Variants in FRAS1 observed in about 807,000 individuals in gnomAD.
FRAS1 encodes Fraser extracellular matrix complex subunit 1, also known as extracellular matrix organizing protein FRAS1.
FRAS1 carries 290 observed loss-of-function variants against 435.2 expected under a neutral mutation model. The observed-to-expected ratio is 0.67, with a 90% confidence interval of 0.61 to 0.73. The LOEUF is 0.73. FRAS1 is among the 30% of genes least tolerant of loss of function. The pLI, the probability that FRAS1 is intolerant of heterozygous loss-of-function variation, is 0.00. For missense variants in FRAS1, 4,860 were observed against 5,001.5 expected (o/e 0.97, Z 0.85); for synonymous variants, 1,800 against 1,851.0 (o/e 0.97, Z 0.71).
At chr4:78,458,377 A>G (rs1719269087) in intron 47 of FRAS1, among the ~76,000 whole-genome samples, 1 of 152,216 alleles carries the variant, frequency 6.6e-6, no homozygotes, top group Non-Finnish European at 1.5e-5. Flanking sequence ...ATGAAGCATT[A>G]TTTTTATTCA....
chr4:78,371,091 GTTTTTTT>G (rs369342938), intron 23 of FRAS1, among the ~76,000 whole-genome samples: 26 of 124,326 alleles, frequency 2.1e-4, no homozygotes, highest in African/African-American at 7.1e-4. Context: ...CTGTTTTTTT[GTTTTTTT>G]TTTTTTTTGC....
chr4:78,497,739 T>C (rs1358606064), intron 60 of FRAS1, among the ~76,000 whole-genome samples: 3 of 152,224 alleles, frequency 2.0e-5, no homozygotes, highest in Non-Finnish European at 4.4e-5. Context: ...GATGTGAACT[T>C]CATTCTGTCT....
At chr4:78,299,963 C>A (rs1222960495) in intron 14 of FRAS1, among the ~76,000 whole-genome samples, 2 of 152,172 alleles carry the variant, frequency 1.3e-5, no homozygotes. Context: ...TCTTTGTGTG[C>A]TTCTGTTGAA....
chr4:78,537,221 T>G, intron 72 of FRAS1, 21 bp downstream of exon 72: 1 of 1,607,702 alleles, frequency 6.2e-7, no homozygotes, highest in African/African-American at 1.3e-5. Flanking sequence ...TTCTCACTAT[T>G]AGTGTTAAAG....
chr4:78,337,161 G>A (rs1028455951), intron 19 of FRAS1, among the ~76,000 whole-genome samples: 1 of 152,204 alleles, frequency 6.6e-6, no homozygotes, highest in African/African-American at 2.4e-5. Context: ...AAGCATCCCA[G>A]TGGTAGTGGC....
rs111781056 is a variant in FRAS1, at chr4:78,318,882, A to G, written c.2033A>G (p.Glu678Gly). The change falls in exon 18 of 74, where the codon GAA (glutamate) becomes GGA (glycine). Residue 678 changes from glutamate (E) to glycine (G), a missense_variant. Coordinates refer to ENST00000512123, the MANE Select transcript of FRAS1 (RefSeq NM_025074.7). ...TGTACTGGGTGTAAGAAGCCAGAGGAAGGACTGCAAGTGGAGCAGCTGTCT... is the reference window on the plus strand; with the variant it reads ...TGTACTGGGTGTAAGAAGCCAGAGGGAGGACTGCAAGTGGAGCAGCTGTCT... ...SHCTGCKKPE[E>G]GLQVEQLSDV... The G allele has an allele frequency of 1.9e-6, 3 of 1,613,874 alleles. No individual in the cohort carries two copies. In the African/African-American group the frequency reaches 4.0e-5, roughly 22 times the overall value.
chr4:78,076,092 T>G (rs1033967712), intron 2 of FRAS1, among the ~76,000 whole-genome samples: 1 of 152,166 alleles, frequency 6.6e-6, no homozygotes, highest in Non-Finnish European at 1.5e-5. Flanking sequence ...CATCCTCTGT[T>G]GTGTTCCTTC....
At chr4:78,074,924 T>C (rs1740559406) in intron 2 of FRAS1, among the ~76,000 whole-genome samples, 1 of 152,196 alleles carries the variant, frequency 6.6e-6, no homozygotes, top group African/African-American at 2.4e-5. Context: ...GACCTCAGAA[T>C]TGGGAAGAGT....
At chr4:78,304,272 G>A (rs1215271758) in intron 14 of FRAS1, among the ~76,000 whole-genome samples, 3 of 152,108 alleles carry the variant, frequency 2.0e-5, no homozygotes, top group African/African-American at 7.2e-5. Context: ...ATTTTATTGA[G>A]TATTTTTGCA....
At position 78,224,953 on chromosome 4, in the gene FRAS1, C is replaced by T. The variant is rs967974457; in HGVS notation, c.109-12557C>T. ...AAAGGTACCCTTTCTAACTTGTTTG[C>T]GCATTAGTAGTGGTCATATACTGAA... On this transcript the variant is annotated intron_variant, in intron 2 of 73. Transcript: ENST00000512123. Among the ~76,000 whole-genome samples, 4 of 152,204 alleles carry T rather than the reference C, an allele frequency of 2.6e-5. No individual in the cohort carries two copies. The South Asian group carries it at 6.2e-4, about 24-fold the overall frequency.
intron 16 of FRAS1, among the ~76,000 whole-genome samples, chr4:78,316,444 C>G (rs1729258086): frequency 2.0e-5 from 3 of 152,122 alleles, no homozygotes; most frequent in African/African-American, 7.2e-5. Context: ...TTAGCAGCCT[C>G]CCCTTTGCCT....
At chr4:78,200,819 C>G (rs1300389928) in intron 2 of FRAS1, among the ~76,000 whole-genome samples, 2 of 142,938 alleles carry the variant, frequency 1.4e-5, no homozygotes, top group African/African-American at 5.7e-5. Flanking sequence ...GATGCCTCTG[C>G]TTATGGAGAA....
chr4:78,292,661 T>C (rs1052145815), intron 14 of FRAS1, among the ~76,000 whole-genome samples: 8 of 152,302 alleles, frequency 5.3e-5, no homozygotes, highest in Admixed American at 2.0e-4. Context: ...CAATGGCACC[T>C]ATGAAACTAC....
intron 2 of FRAS1, among the ~76,000 whole-genome samples, chr4:78,154,877 T>C (rs1720816880): frequency 6.6e-6 from 1 of 152,204 alleles, no homozygotes; most frequent in Non-Finnish European, 1.5e-5. Flanking sequence ...CAGCAGATAA[T>C]TGATTTTGTC....
intron 15 of FRAS1, among the ~76,000 whole-genome samples, chr4:78,310,348 C>A (rs1476011441): frequency 6.6e-6 from 1 of 152,140 alleles, no homozygotes; most frequent in East Asian, 1.9e-4. Flanking sequence ...GCCACTGAGA[C>A]TCTACATTAT....
At chr4:78,220,373 A>T (rs1724001522) in intron 2 of FRAS1, among the ~76,000 whole-genome samples, 2 of 152,192 alleles carry the variant, frequency 1.3e-5, no homozygotes, top group South Asian at 4.1e-4. Context: ...GTAAAGGTTT[A>T]TTGGAACATA....
At chr4:78,157,720 G>A (rs959864956) in intron 2 of FRAS1, among the ~76,000 whole-genome samples, 28 of 152,136 alleles carry the variant, frequency 1.8e-4, no homozygotes, top group African/African-American at 6.8e-4. Context: ...TTTGCCCTTT[G>A]TAGGATGTAT....
chr4:78,384,125 A>G lies in FRAS1; in HGVS notation c.3630A>G (p.Ile1210Met). 6.2e-7 allele frequency: 1 copy of G among 1,600,374 alleles called. No homozygotes were observed. Among genetic ancestry groups the G allele is most frequent in the South Asian group, 1.2e-5 (1 of 86,694 alleles). Reference sequence around the variant, plus strand: ...TCTCTGAGCCACAGCTGATCAACATACAAGCATTTTCAACACAGGTAATAA... The same window carrying G: ...TCTCTGAGCCACAGCTGATCAACATGCAAGCATTTTCAACACAGGTAATAA... ...QFFSEPQLIN[I>M]QAFSTQAPYV... Residue 1210 changes from isoleucine (I) to methionine (M), a missense_variant, in exon 28 of 74, where the codon ATA becomes ATG. Coordinates refer to ENST00000512123, the MANE Select transcript of FRAS1 (RefSeq NM_025074.7).
chr4:78,433,339 T>C (rs1477908284), intron 38 of FRAS1, among the ~76,000 whole-genome samples: 1 of 152,236 alleles, frequency 6.6e-6, no homozygotes, highest in South Asian at 2.1e-4. Context: ...TATGTAAACA[T>C]AATAATGACT....
Sources: allele counts gnomAD v4.1 joint callset (sites outside exome capture counted in the v4.1 genomes callset), GRCh38; gene constraint gnomAD v4.1.1; transcripts MANE v1.5; gene names NCBI Gene and HGNC (gene_info 2026-07-23, HGNC 2026-07-21).